TTC13: variants seen among roughly 807,000 people sequenced by gnomAD.
TTC13 encodes tetratricopeptide repeat domain 13.
In TTC13, 62 loss-of-function variants were observed where a neutral mutation model predicts 120.0. The observed-to-expected ratio is 0.52, with a 90% CI of 0.42 to 0.64. The LOEUF is 0.64. TTC13 is among the 30% of genes least tolerant of loss of function. The probability of loss-of-function intolerance (pLI) is 0.00; values close to 1 mark genes in which losing one functional copy is unlikely to be tolerated. For synonymous variants in TTC13, 384 were observed against 393.5 expected, an observed-to-expected ratio of 0.98 and a Z score of 0.28; for missense variants, 824 against 1,050.2, an observed-to-expected ratio of 0.78 and a Z score of 2.98.
intron 1 of TTC13, among the ~76,000 whole-genome samples, chr1:230,975,117 G>A (rs545476298): frequency 6.6e-6 from 1 of 151,914 alleles, no homozygotes; most frequent in South Asian, 2.1e-4. Context: ...TCTCACGTCT[G>A]TAATCCCAAC....
chr1:230,966,430 T>C (rs1205365062), intron 1 of TTC13, among the ~76,000 whole-genome samples: 1 of 135,204 alleles, frequency 7.4e-6, no homozygotes, highest in East Asian at 2.0e-4. Context: ...TCTCTTTATT[T>C]AAATATTTTA....
At chr1:230,913,615 T>G (rs1671719366) in intron 18 of TTC13, among the ~76,000 whole-genome samples, 1 of 152,232 alleles carries the variant, frequency 6.6e-6, no homozygotes, top group Non-Finnish European at 1.5e-5. Flanking sequence ...CCTCCCAATA[T>G]GCTGGTATGA....
chr1:230,928,884 A>G, intron 12 of TTC13, 53 bp downstream of exon 12: 1 of 1,597,646 alleles, frequency 6.3e-7, no homozygotes. Context: ...TGCCCAGCTT[A>G]TAGCTCAGTT....
At chr1:230,915,912 A>T (rs1671977425) in intron 18 of TTC13, among the ~76,000 whole-genome samples, 1 of 151,994 alleles carries the variant, frequency 6.6e-6, no homozygotes, top group Non-Finnish European at 1.5e-5. Flanking sequence ...CGCCCCCCCA[A>T]GGAACTTCAA....
rs1014360519 is a variant in TTC13, at chr1:230,944,383, C to A, written c.580-485G>T. On this transcript the variant is annotated intron_variant, in intron 5 of 22. Coordinates refer to ENST00000366661, the MANE Select transcript of TTC13 (RefSeq NM_024525.5). This position sits in a 1 kb window ranked among gnomAD's most constrained non-coding sequence, Gnocchi z 4.0. ...TTTTACATTAAAAATGCATGTGCAA[C>A]TTTTTATTAAATATACATGCAAATT... Among the ~76,000 whole-genome samples, 8 of 152,178 alleles carry A rather than the reference C, an allele frequency of 5.3e-5. No homozygotes were observed. Among genetic ancestry groups the A allele is most frequent in the African/African-American group, 1.7e-4 (7 of 41,448 alleles).
At chr1:230,964,532 T>C (rs1472066419) in intron 1 of TTC13, among the ~76,000 whole-genome samples, 1 of 152,212 alleles carries the variant, frequency 6.6e-6, no homozygotes, top group African/African-American at 2.4e-5. Flanking sequence ...CTTATATCCT[T>C]TGCTCATTTT....
chr1:230,958,389 T>C, intron 2 of TTC13, 90 bp from the exon 3 acceptor site: 1 of 1,421,822 alleles, frequency 7.0e-7, no homozygotes, highest in Non-Finnish European at 9.4e-7. Flanking sequence ...AAAATTAAAA[T>C]TAAGGCTACA....
At chr1:230,950,957 G>A (rs986359519) in intron 4 of TTC13, among the ~76,000 whole-genome samples, 1 of 152,178 alleles carries the variant, frequency 6.6e-6, no homozygotes, top group Non-Finnish European at 1.5e-5. Flanking sequence ...TGGCATAGAA[G>A]CAACACTAAC....
In TTC13 at chr1:230,911,262, A is replaced by G. The variant is rs2102734462; in HGVS notation, c.2309+208T>C. 1.8e-5 allele frequency: 7 copies of G among 380,204 alleles called. No individual in the cohort carries two copies. In the Middle Eastern group the frequency reaches 2.2e-3, roughly 117 times the overall value. The allele number at this position is 380,204 out of a possible 1,614,324, so 23.6% of individuals were successfully genotyped here. A position where few individuals can be genotyped will look rare whatever the true frequency, so the allele number is the denominator to read the frequency against. Reference sequence around the variant, plus strand: ...GATGAATCCCTATCCTATTAAACGTAAGCACACTATATTAGAACTGTCTTC... The same window carrying G: ...GATGAATCCCTATCCTATTAAACGTGAGCACACTATATTAGAACTGTCTTC... On this transcript the variant is annotated intron_variant, in intron 20 of 22. Coordinates refer to ENST00000366661, the MANE Select transcript of TTC13 (RefSeq NM_024525.5).
Position 230,935,111 on chromosome 1 carries a change from T to G in TTC13, c.901-1250A>C, listed in dbSNP as rs555332023. 8.5e-5 allele frequency among the ~76,000 whole-genome samples: 13 copies of G among 152,308 alleles called. No individual in the cohort carries two copies. The South Asian group carries it at 2.7e-3, about 32-fold the overall frequency. ...GTAGAGAGATGAGAATGGATAAACT[T>G]TAACATTTAAGAAATGTTAAAGATC... On this transcript the variant is annotated intron_variant, in intron 8 of 22. Coordinates refer to ENST00000366661, the MANE Select transcript of TTC13 (RefSeq NM_024525.5).
chr1:230,978,429 GAGCCGGCTCCCGCGGATCGCGCGCCGC>G lies in TTC13; in HGVS notation c.271+104_271+130del. On this transcript the variant is annotated intron_variant, in intron 1 of 22. Coordinates refer to ENST00000366661, the MANE Select transcript of TTC13 (RefSeq NM_024525.5). The surrounding 1 kb of genome is among the most constrained non-coding windows in gnomAD (Gnocchi z 5.6). ...AAGCTGCCCGCCAGGACCCCTGGCC[GAGCCGGCTCCCGCGGATCGCGCGCCGC>G]AGCCGGAGGCGTGAGGCCCGGGCGA... The G allele has an allele frequency of 4.5e-6, 1 of 221,444 alleles. No individual in the cohort carries two copies. Among genetic ancestry groups the G allele is most frequent in the Non-Finnish European group, 8.7e-6 (1 of 115,170 alleles). 13.7% of individuals were successfully genotyped at this position (221,444 alleles called of 1,614,324 possible).
At position 230,909,227 on chromosome 1, in the gene TTC13, G is replaced by C. The variant is rs200854806; in HGVS notation, c.2310-207C>G. On this transcript the variant is annotated intron_variant, in intron 20 of 22. Transcript: ENST00000366661. Reference sequence around the variant, plus strand: ...ACTATTAGAATATATTTACTGGCCAGGTGAGGTGGCTCACACCTGTAATCC... The same window carrying C: ...ACTATTAGAATATATTTACTGGCCACGTGAGGTGGCTCACACCTGTAATCC... 2.6e-5 allele frequency among the ~76,000 whole-genome samples: 4 copies of C among 152,236 alleles called. No individual in the cohort carries two copies. In the East Asian group the frequency reaches 7.7e-4, roughly 29 times the overall value.
Position 230,940,134 on chromosome 1 carries a change from CT to C in TTC13, c.789+305del, listed in dbSNP as rs1426599315. On this transcript the variant is annotated intron_variant, in intron 7 of 22. Transcript: ENST00000366661. The surrounding 1 kb of genome is among the most constrained non-coding windows in gnomAD (Gnocchi z 4.1). Reference sequence around the variant, plus strand: ...ATTGACAACATGCACACCTGCTTCCCTATGAGGACATTTGCGAGAAAGATTG... The same window carrying C: ...ATTGACAACATGCACACCTGCTTCCCATGAGGACATTTGCGAGAAAGATTG... 1.3e-5 allele frequency among the ~76,000 whole-genome samples: 2 copies of C among 152,224 alleles called. No homozygotes were observed. The highest frequency in any genetic ancestry group is 1.5e-5 in the Non-Finnish European group (1 of 68,044).
chr1:230,916,419 C>G (rs1307652968), intron 17 of TTC13, 117 bp from the exon 18 acceptor site: 1 of 784,254 alleles, frequency 1.3e-6, no homozygotes, highest in African/African-American at 1.7e-5. Flanking sequence ...AGGAGGTCAT[C>G]TGATACAAGA....
rs751371699 is a variant in TTC13 at position 230,912,649 on chromosome 1, C to T, written c.2203G>A (p.Val735Ile). The change falls in exon 19 of 23, where the codon GTA becomes ATA. Residue 735 changes from valine to isoleucine, a missense_variant. Physicochemically the swap from Val to Ile is conservative, Grantham distance 29 (BLOSUM62 3). This residue lies in a region of TTC13 where 226 missense variants were observed against 259.1 expected (regional missense o/e 0.87). Transcript: ENST00000366661. ...CCAAATTCTGATGAAAGAATCAATACTTTTCCTTTTGCTGTCAAATCTTTA... is the reference window on the plus strand; with the variant it reads ...CCAAATTCTGATGAAAGAATCAATATTTTTCCTTTTGCTGTCAAATCTTTA... ...LYKDLTAKGK[V>I]LILSSEFGEA... 4.3e-6 allele frequency: 7 copies of T among 1,612,148 alleles called. No homozygotes were observed. The African/African-American group carries it at 6.7e-5, about 15-fold the overall frequency.
intron 4 of TTC13, among the ~76,000 whole-genome samples, chr1:230,949,885 G>C (rs533313468): frequency 6.6e-6 from 1 of 152,044 alleles, no homozygotes; most frequent in African/African-American, 2.4e-5. Flanking sequence ...TCCTGACCTC[G>C]TGATCCGCCC....
chr1:230,931,762 A>C lies in TTC13; in HGVS notation c.1099T>G (p.Leu367Val). The change falls in exon 10 of 23, where the codon TTA (leucine) becomes GTA (valine). Residue 367 changes from leucine (L) to valine (V), a missense_variant. Leu to Val is a conservative substitution (Grantham distance 32, BLOSUM62 1). This residue lies in a region of TTC13 where 430 missense variants were observed against 626.8 expected (regional missense o/e 0.69). Coordinates refer to ENST00000366661, the MANE Select transcript of TTC13 (RefSeq NM_024525.5). ...TTAAAGTTCTTAAGGGCTTCCTGTA[A>C]GCTGCCGTGGTGGTAGAGCATCATT... ...RGMMLYHHGSLQEALKNFKRC... is the reference protein window; with the variant it reads ...RGMMLYHHGSVQEALKNFKRC... The C allele has an allele frequency of 6.2e-7, 1 of 1,614,164 alleles. No individual in the cohort carries two copies. Among genetic ancestry groups the C allele is most frequent in the Middle Eastern group, 1.7e-4 (1 of 6,060 alleles).
At chr1:230,927,713 A>AC (rs1673163496) in intron 12 of TTC13, among the ~76,000 whole-genome samples, 1 of 152,114 alleles carries the variant, frequency 6.6e-6, no homozygotes, top group Non-Finnish European at 1.5e-5. Flanking sequence ...CAATTTATCA[A>AC]CCTTTTTGTT....
chr1:230,953,444 T>C (rs1409279241), intron 4 of TTC13, among the ~76,000 whole-genome samples: 1 of 152,266 alleles, frequency 6.6e-6, no homozygotes, highest in African/African-American at 2.4e-5. Flanking sequence ...AATGGTACTT[T>C]GACTAGCCAA....
Sources: gnomAD v4.1 joint callset for allele counts (sites outside exome capture counted in the v4.1 genomes callset) on GRCh38, gnomAD v4.1.1 for gene constraint, gnomAD v4.1.1 regional missense constraint, Gnocchi (gnomAD v3.1) non-coding constraint, MANE v1.5 for transcripts, NCBI Gene and HGNC (gene_info 2026-07-23, HGNC 2026-07-21) for gene names.